The following SDK1 variants were observed in gnomAD, a reference collection of about 807,000 sequenced individuals.
SDK1 encodes the protein sidekick cell adhesion molecule 1.
A neutral mutation model predicts 245.5 loss-of-function variants in SDK1; 157 were observed. That is an observed-to-expected ratio of 0.64 (90% CI 0.56 to 0.73). The LOEUF (loss-of-function observed/expected upper bound fraction) is 0.73, where lower values mean the gene tolerates loss of function less well. SDK1 is among the 30% of genes least tolerant of loss of function. The probability of loss-of-function intolerance (pLI) is 0.00; values close to 1 mark genes in which losing one functional copy is unlikely to be tolerated. For missense variants in SDK1, 3,583 were observed against 3,002.3 expected, an observed-to-expected ratio of 1.19 and a Z score of -4.52; for synonymous variants, 1,647 against 1,278.5, an observed-to-expected ratio of 1.29 and a Z score of -6.15.
chr7:3,637,965 G>A (rs930565380), intron 2 of SDK1, among the ~76,000 whole-genome samples: 1 of 152,242 alleles, frequency 6.6e-6, no homozygotes, highest in African/African-American at 2.4e-5. Flanking sequence ...ACAAGACATC[G>A]TGTTAAGACT....
At chr7:4,090,895 T>TC (rs34490846) in intron 22 of SDK1, among the ~76,000 whole-genome samples, 43,681 of 152,080 alleles carry the variant, frequency 0.29, 7,848 homozygotes, top group African/African-American at 0.51. Context: ...TATGTGAGCT[T>TC]CCCTTTTCTA....
intron 40 of SDK1, among the ~76,000 whole-genome samples, chr7:4,223,394 G>C (rs1268785366): frequency 6.6e-6 from 1 of 152,248 alleles, no homozygotes; most frequent in African/African-American, 2.4e-5. Context: ...TTGTCTCACA[G>C]TTCTGGAGGC....
intron 4 of SDK1, among the ~76,000 whole-genome samples, chr7:3,736,563 T>C (rs536812529): frequency 1.4e-4 from 22 of 152,290 alleles, no homozygotes; most frequent in African/African-American, 5.1e-4. Flanking sequence ...TGAGCCACCA[T>C]GCCCGGCCAC....
chr7:3,333,419 G>A (rs1276500037), intron 1 of SDK1, among the ~76,000 whole-genome samples: 1 of 152,076 alleles, frequency 6.6e-6, no homozygotes, highest in Non-Finnish European at 1.5e-5. Flanking sequence ...AGGTCAAAGA[G>A]GTTTCTTGAC....
intron 28 of SDK1, among the ~76,000 whole-genome samples, chr7:4,142,066 G>T (rs929636135): frequency 6.6e-6 from 1 of 152,046 alleles, no homozygotes; most frequent in African/African-American, 2.4e-5. Context: ...GGATAGGCAT[G>T]TTTTTTCACA....
Position 3,883,624 on chromosome 7 carries a change from A to C in SDK1, c.847+62041A>C, listed in dbSNP as rs74652812. 4.7e-3 allele frequency among the ~76,000 whole-genome samples: 715 copies of C among 152,274 alleles called. 6 individuals carry two copies. The highest frequency in any genetic ancestry group is 0.016 in the African/African-American group (666 of 41,556). ...CGTGCAGGCCTTTGACCTCTGTTCG[A>C]AGAAATCAAAACTGTGCCATGAAGA... On this transcript the variant is annotated intron_variant, in intron 5 of 44. Transcript: ENST00000404826.
intron 5 of SDK1, among the ~76,000 whole-genome samples, chr7:3,940,822 G>C (rs1158394017): frequency 6.6e-6 from 1 of 151,722 alleles, no homozygotes; most frequent in Non-Finnish European, 1.5e-5. Context: ...AATAATAATA[G>C]TAAATTAATT....
chr7:3,572,053 G>A (rs1414537844), intron 1 of SDK1, among the ~76,000 whole-genome samples: 3 of 152,012 alleles, frequency 2.0e-5, no homozygotes, highest in Non-Finnish European at 4.4e-5. Flanking sequence ...ATGCCAAACA[G>A]TCAGTGAAAG....
intron 16 of SDK1, among the ~76,000 whole-genome samples, chr7:4,016,419 T>G (rs924518592): frequency 6.6e-6 from 1 of 152,362 alleles, no homozygotes; most frequent in Middle Eastern, 3.4e-3. Context: ...GTGCATTAAC[T>G]TCTATAGACT....
chr7:3,467,114 A>C (rs1781031480), intron 1 of SDK1, among the ~76,000 whole-genome samples: 1 of 152,002 alleles, frequency 6.6e-6, no homozygotes, highest in South Asian at 2.1e-4. Flanking sequence ...GTTGAATTGA[A>C]GTTATTTTAT....
chr7:3,377,043 A>C (rs1324800991), intron 1 of SDK1, among the ~76,000 whole-genome samples: 1 of 152,176 alleles, frequency 6.6e-6, no homozygotes, highest in Admixed American at 6.5e-5. Context: ...TCTAACATTC[A>C]GCCCTGCTTC....
At chr7:3,487,865 G>A (rs1376185249) in intron 1 of SDK1, among the ~76,000 whole-genome samples, 2 of 152,010 alleles carry the variant, frequency 1.3e-5, no homozygotes, top group Non-Finnish European at 2.9e-5. Context: ...AGGGTGTTGA[G>A]CAAGGCAGGT....
chr7:3,967,669 C>T (rs1240219059), intron 10 of SDK1, among the ~76,000 whole-genome samples: 3 of 152,216 alleles, frequency 2.0e-5, no homozygotes, highest in Admixed American at 6.5e-5. Flanking sequence ...GAAACTGTTC[C>T]ATCTCAGATC....
chr7:3,576,279 C>T (rs1055060549), intron 1 of SDK1, among the ~76,000 whole-genome samples: 4 of 152,236 alleles, frequency 2.6e-5, no homozygotes, highest in South Asian at 2.1e-4. Flanking sequence ...CCGTTGTTTA[C>T]GGAGTGCTGA....
intron 22 of SDK1, among the ~76,000 whole-genome samples, chr7:4,087,820 C>G (rs1781522339): frequency 6.6e-6 from 1 of 152,128 alleles, no homozygotes; most frequent in Admixed American, 6.5e-5. Context: ...TCTTTGTGAG[C>G]CTGAATTTCC....
intron 5 of SDK1, among the ~76,000 whole-genome samples, chr7:3,860,517 A>T (rs960162384): frequency 7.9e-5 from 12 of 152,356 alleles, no homozygotes; most frequent in African/African-American, 2.9e-4. Flanking sequence ...TCAAGTGTTG[A>T]GCAGGGTAAA....
chr7:4,198,956 G>C (rs538760645), intron 35 of SDK1, among the ~76,000 whole-genome samples: 1 of 151,826 alleles, frequency 6.6e-6, no homozygotes, highest in Non-Finnish European at 1.5e-5. Context: ...TGAAATTACA[G>C]GCACGCACCA....
At chr7:4,152,212 A>C (rs556993031) in intron 30 of SDK1, among the ~76,000 whole-genome samples, 117 of 152,308 alleles carry the variant, frequency 7.7e-4, no homozygotes, top group African/African-American at 2.6e-3. Context: ...ACTGTCCGCC[A>C]GGTTCCTGCC....
chr7:3,317,716 A>G (rs974112221), intron 1 of SDK1, among the ~76,000 whole-genome samples: 10 of 152,302 alleles, frequency 6.6e-5, no homozygotes, highest in African/African-American at 2.4e-4. Context: ...CATGTTTAGG[A>G]TATGAGCATT....
Sources: allele counts gnomAD v4.1 joint callset (sites outside exome capture counted in the v4.1 genomes callset), GRCh38; gene constraint gnomAD v4.1.1; transcripts MANE v1.5; gene names NCBI Gene and HGNC (gene_info 2026-07-23, HGNC 2026-07-21).